Variants in TMEM132B observed in about 807,000 individuals in gnomAD.
TMEM132B encodes the protein transmembrane protein 132B.
A neutral mutation model predicts 90.8 loss-of-function variants in TMEM132B; 18 were observed. The ratio of observed to expected loss-of-function variants is 0.20; its 90% CI spans 0.14 to 0.29. TMEM132B has a LOEUF of 0.29. Ranked by LOEUF, TMEM132B falls within the 10% of genes least tolerant of loss-of-function variation. TMEM132B has a pLI of 1.00. For synonymous variants in TMEM132B, 504 were observed against 523.3 expected, an observed-to-expected ratio of 0.96 and a Z score of 0.50; for missense variants, 1,096 against 1,326.8, an observed-to-expected ratio of 0.83 and a Z score of 2.70.
chr12:125,649,153 T>C (rs569898016), intron 6 of TMEM132B, among the ~76,000 whole-genome samples: 1 of 152,338 alleles, frequency 6.6e-6, no homozygotes, highest in South Asian at 2.1e-4. Context: ...GTTATGCTAT[T>C]GTGCTGGTGA....
chr12:125,437,463 C>T (rs1159960913), intron 3 of TMEM132B, among the ~76,000 whole-genome samples: 1 of 152,136 alleles, frequency 6.6e-6, no homozygotes, highest in Non-Finnish European at 1.5e-5. Context: ...AGTGGAATTG[C>T]TGGTTCATAT....
At chr12:125,646,386 A>C (rs1250957662) in intron 6 of TMEM132B, among the ~76,000 whole-genome samples, 1 of 152,258 alleles carries the variant, frequency 6.6e-6, no homozygotes, top group Non-Finnish European at 1.5e-5. Context: ...GCAAATGATG[A>C]ATAAATTTTA....
In TMEM132B at chr12:125,186,513, C is replaced by T. The variant is rs1049519084; in HGVS notation, c.-287C>T. ...CCGCGGCGGCGGCGGCGGCGGGGGC[C>T]GCGCAACTCGGGCCAACTGCGGGGC... On this transcript the variant is annotated 5_prime_UTR_variant, in exon 1 of 9. Coordinates refer to ENST00000682704, the MANE Select transcript of TMEM132B (RefSeq NM_001366854.1). This position sits in a 1 kb window ranked among gnomAD's most constrained non-coding sequence, Gnocchi z 6.3. Among the ~76,000 whole-genome samples the T allele has an allele frequency of 6.8e-6, 1 of 146,440 alleles. No individual in the cohort carries two copies. The highest frequency in any genetic ancestry group is 6.8e-5 in the Admixed American group (1 of 14,734).
At chr12:125,363,771 A>T (rs1331287181) in intron 2 of TMEM132B, among the ~76,000 whole-genome samples, 1 of 152,208 alleles carries the variant, frequency 6.6e-6, no homozygotes, top group Non-Finnish European at 1.5e-5. Flanking sequence ...CACAAAACCA[A>T]GAAGCTAGGG....
chr12:125,539,127 C>T (rs1356258526), intron 4 of TMEM132B, among the ~76,000 whole-genome samples: 24 of 152,196 alleles, frequency 1.6e-4, no homozygotes, highest in Admixed American at 1.6e-3. Flanking sequence ...TATGAGTCCC[C>T]TGATGAAAAT....
chr12:125,322,198 C>T (rs1160074613), intron 1 of TMEM132B, among the ~76,000 whole-genome samples: 5 of 152,130 alleles, frequency 3.3e-5, no homozygotes, highest in Admixed American at 6.5e-5. Context: ...GTGCTGTTCT[C>T]GTGACAGTGA....
chr12:125,484,753 C>T (rs1241152406), intron 3 of TMEM132B, among the ~76,000 whole-genome samples: 3 of 152,102 alleles, frequency 2.0e-5, no homozygotes, highest in African/African-American at 7.2e-5. Context: ...CCCTCAGCCT[C>T]CATGCCCAGC....
rs184703622 is a variant in TMEM132B, at chr12:125,384,553, T to C, written c.960-30978T>C. ...TGTGGTAAGAATATTTAAAATATAC[T>C]TTTAGCAATTTTGAAGCATATAATG... On this transcript the variant is annotated intron_variant, in intron 2 of 8. Coordinates refer to ENST00000682704, the MANE Select transcript of TMEM132B (RefSeq NM_001366854.1). Among the ~76,000 whole-genome samples the C allele has an allele frequency of 3.6e-4, 55 of 152,366 alleles. No individual in the cohort carries two copies. The East Asian group carries it at 6.7e-3, about 19-fold the overall frequency.
intron 3 of TMEM132B, among the ~76,000 whole-genome samples, chr12:125,435,068 G>A (rs1201247737): frequency 6.6e-6 from 1 of 152,172 alleles, no homozygotes; most frequent in Non-Finnish European, 1.5e-5. Flanking sequence ...TGTACAGATT[G>A]TCTCTTCTTA....
At chr12:125,195,373 G>A (rs75118082) in intron 1 of TMEM132B, among the ~76,000 whole-genome samples, 6,787 of 150,114 alleles carry the variant, frequency 0.045, 219 homozygotes, top group African/African-American at 0.089. Context: ...GAGATGGAGC[G>A]CTGGGGAGGA....
chr12:125,188,536 AC>A (rs1247722118), intron 1 of TMEM132B, among the ~76,000 whole-genome samples: 1 of 60,604 alleles, frequency 1.7e-5, no homozygotes, highest in Non-Finnish European at 3.3e-5. Context: ...TCCCCCTACC[AC>A]CCCCCCACCC....
Position 125,402,504 on chromosome 12 carries a change from A to T in TMEM132B, c.960-13027A>T, listed in dbSNP as rs140929479. Among the ~76,000 whole-genome samples, 624 of 152,360 alleles carry T rather than the reference A, an allele frequency of 4.1e-3. 3 individuals carry two copies. The highest frequency in any genetic ancestry group is 6.9e-3 in the Non-Finnish European group (467 of 68,030). On this transcript the variant is annotated intron_variant, in intron 2 of 8. Transcript: ENST00000682704. The stretch of plus-strand genomic sequence containing the variant: ...TAAATATATCTTGAAGGGTGATTGT[A>T]GACCCTGGCTTCATTCTCTTTGTTG...
At chr12:125,645,420 G>A (rs1347388046) in intron 6 of TMEM132B, among the ~76,000 whole-genome samples, 1 of 152,150 alleles carries the variant, frequency 6.6e-6, no homozygotes, top group Non-Finnish European at 1.5e-5. Flanking sequence ...CTGCCAACTG[G>A]TAGCAGAAGG....
Position 125,448,240 on chromosome 12 carries a change from A to C in TMEM132B, c.1106+32563A>C, listed in dbSNP as rs949621279. 3.3e-5 allele frequency among the ~76,000 whole-genome samples: 5 copies of C among 151,666 alleles called. No individual in the cohort carries two copies. The South Asian group carries it at 1.0e-3, about 32-fold the overall frequency. On this transcript the variant is annotated intron_variant, in intron 3 of 8. Coordinates refer to ENST00000682704, the MANE Select transcript of TMEM132B (RefSeq NM_001366854.1). Reference sequence around the variant, plus strand: ...CTCCAGCCTGGGCAACAAGAGCAAAACTCTGTCTCAAAAAAAAAAAAATTC... The same window carrying C: ...CTCCAGCCTGGGCAACAAGAGCAAACCTCTGTCTCAAAAAAAAAAAAATTC...
At chr12:125,300,199 C>CT (rs561660232) in intron 1 of TMEM132B, among the ~76,000 whole-genome samples, 95 of 149,860 alleles carry the variant, frequency 6.3e-4, no homozygotes, top group South Asian at 2.1e-3. Context: ...CCCTTTTGTT[C>CT]TTTTTTTTTT....
chr12:125,238,366 C>CAAAAAAAAAAAAAAAA lies in TMEM132B; in HGVS notation c.67+51510_67+51511insAAAAAAAAAAAAAAAA, dbSNP rs762032967. Among the ~76,000 whole-genome samples the CAAAAAAAAAAAAAAAA allele has an allele frequency of 3.1e-4, 35 of 111,538 alleles. 1 individual carries two copies. Among genetic ancestry groups the CAAAAAAAAAAAAAAAA allele is most frequent in the South Asian group, 5.9e-4 (2 of 3,376 alleles). 73.2% of individuals were successfully genotyped at this position (111,538 alleles called of 152,430 possible). A position where few individuals can be genotyped will look rare whatever the true frequency, so the allele number is the denominator to read the frequency against. Reference sequence around the variant, plus strand: ...AGACTCCGTCTCAAAAAAAAAAAACCAAAAAAAAAACAAAAAAAAACCAAA... The same window carrying CAAAAAAAAAAAAAAAA: ...AGACTCCGTCTCAAAAAAAAAAAACCAAAAAAAAAAAAAAAAAAAAAAAAAACAAAAAAAAACCAAA... On this transcript the variant is annotated intron_variant, in intron 1 of 8. Transcript: ENST00000682704.
intron 2 of TMEM132B, among the ~76,000 whole-genome samples, chr12:125,352,353 TG>T (rs1472663086): frequency 5.9e-5 from 9 of 152,270 alleles, no homozygotes; most frequent in Admixed American, 5.9e-4. Flanking sequence ...GATCAAGATT[TG>T]GTTTTAGGAT....
Position 125,652,448 on chromosome 12 carries a change from C to T in TMEM132B, c.1922C>T (p.Ser641Leu), listed in dbSNP as rs1384211745. Residue 641 changes from serine to leucine, a missense_variant, in exon 8 of 9, where the codon TCG (serine) becomes TTG (leucine). Ser to Leu is a moderately radical substitution (Grantham distance 145). Coordinates refer to ENST00000682704, the MANE Select transcript of TMEM132B (RefSeq NM_001366854.1). ...EPGITTVQVLSPLSDSILAEK... is the reference protein window; with the variant it reads ...EPGITTVQVLLPLSDSILAEK... ...TCCTCGCTGACTTTTCAGGTCCTCT[C>T]GCCGTTGTCTGACTCCATCCTGGCT... The T allele has an allele frequency of 4.4e-6, 7 of 1,601,298 alleles. No homozygotes were observed. Among genetic ancestry groups the T allele is most frequent in the Admixed American group, 1.7e-5 (1 of 58,758 alleles).
At position 125,492,800 on chromosome 12, in the gene TMEM132B, G is replaced by A. The variant is rs1882389574; in HGVS notation, c.1107-26639G>A. Among the ~76,000 whole-genome samples the A allele has an allele frequency of 6.6e-6, 1 of 152,190 alleles. No individual in the cohort carries two copies. The highest frequency in any genetic ancestry group is 1.5e-5 in the Non-Finnish European group (1 of 68,042). On this transcript the variant is annotated intron_variant, in intron 3 of 8. Coordinates refer to ENST00000682704, the MANE Select transcript of TMEM132B (RefSeq NM_001366854.1). The surrounding 1 kb of genome is among the most constrained non-coding windows in gnomAD (Gnocchi z 5.8). ...CGCAGATCTCACTTGGCTCCAAAAT[G>A]GGCTGGGCCCTGTGTCAGGCTCCAG... is the stretch of plus-strand genomic sequence containing the variant.
Sources: gnomAD v4.1 joint callset for allele counts (sites outside exome capture counted in the v4.1 genomes callset) on GRCh38, gnomAD v4.1.1 for gene constraint, Gnocchi (gnomAD v3.1) non-coding constraint, MANE v1.5 for transcripts, NCBI Gene and HGNC (gene_info 2026-07-23, HGNC 2026-07-21) for gene names.